The following RAB5A variants were observed in gnomAD, a reference collection of about 807,000 sequenced individuals.
The protein encoded by RAB5A is ras-related protein Rab-5A.
A neutral mutation model predicts 25.7 loss-of-function variants in RAB5A; 8 were observed. The observed-to-expected ratio is 0.31, with a 90% CI of 0.18 to 0.56. RAB5A has a LOEUF of 0.56. RAB5A is among the 20% of genes least tolerant of loss of function. RAB5A has a pLI of 0.91. For missense variants in RAB5A, 192 were observed against 259.7 expected, an observed-to-expected ratio of 0.74 and a Z score of 1.79; for synonymous variants, 98 against 89.8, an observed-to-expected ratio of 1.09 and a Z score of -0.52.
intron 1 of RAB5A, among the ~76,000 whole-genome samples, chr3:19,949,468 T>C (rs146651329): frequency 4.5e-4 from 69 of 152,294 alleles, no homozygotes; most frequent in Middle Eastern, 3.4e-3. Context: ...CCCAAAGTGT[T>C]GGGATTTACC....
intron 2 of RAB5A, among the ~76,000 whole-genome samples, chr3:19,973,466 G>A (rs1197278075): frequency 6.7e-6 from 1 of 150,276 alleles, no homozygotes; most frequent in Non-Finnish European, 1.5e-5. Flanking sequence ...TTCCTTTTTG[G>A]TAAGAGTACT....
intron 2 of RAB5A, 85 bp from the exon 3 acceptor site, chr3:19,975,516 G>C: frequency 7.6e-7 from 1 of 1,312,714 alleles, no homozygotes; most frequent in Non-Finnish European, 1.0e-6. Context: ...GTGACATTTT[G>C]ATAGATGTAT....
chr3:19,983,816 G>C lies in RAB5A; in HGVS notation c.641G>C (p.Ser214Thr). Residue 214 changes from serine to threonine, a missense_variant, in exon 6 of 6, where the codon AGT becomes ACT. By Grantham distance (58) the Ser-to-Thr change is moderately conservative. This residue lies in a region of RAB5A where 121 missense variants were observed against 135.7 expected (regional missense o/e 0.89). Coordinates refer to ENST00000273047, the MANE Select transcript of RAB5A (RefSeq NM_004162.5). ...CAACCAACCAGGAATCAGTGTTGTAGTAACTAAACCTCTAGTTTGAACTAG... is the reference window on the plus strand; with the variant it reads ...CAACCAACCAGGAATCAGTGTTGTACTAACTAAACCTCTAGTTTGAACTAG... ...PTQPTRNQCC[S>T]N is the part of the protein sequence containing the mutation. 6.3e-7 allele frequency: 1 copy of C among 1,593,002 alleles called. No individual in the cohort carries two copies. The highest frequency in any genetic ancestry group is 8.6e-7 in the Non-Finnish European group (1 of 1,162,114).
chr3:19,960,329 G>A (rs529278949), intron 2 of RAB5A, among the ~76,000 whole-genome samples: 2 of 152,168 alleles, frequency 1.3e-5, no homozygotes, highest in Admixed American at 6.5e-5. Flanking sequence ...TTGAGATGGG[G>A]TCTCGCTCTG....
rs181841921 is a variant in RAB5A at position 19,976,417 on chromosome 3, G to A, written c.438+248G>A. 1.4e-4 allele frequency among the ~76,000 whole-genome samples: 21 copies of A among 152,310 alleles called. No homozygotes were observed. The East Asian group carries it at 3.7e-3, about 27-fold the overall frequency. Reference sequence around the variant, plus strand: ...TTAAACAATAAAGGCCGGGTTCAGTGGCTCACGCCTGTAATCCCAGCACTT... The same window carrying A: ...TTAAACAATAAAGGCCGGGTTCAGTAGCTCACGCCTGTAATCCCAGCACTT... On this transcript the variant is annotated intron_variant, in intron 4 of 5. Transcript: ENST00000273047.
intron 2 of RAB5A, among the ~76,000 whole-genome samples, chr3:19,967,756 A>G (rs186276523): frequency 5.6e-4 from 85 of 151,974 alleles, no homozygotes; most frequent in Admixed American, 1.9e-3. Flanking sequence ...GTGCTGAGTA[A>G]TACTTAGCCC....
Position 19,982,895 on chromosome 3 carries a change from T to G in RAB5A, c.533-813T>G, listed in dbSNP as rs1172628317. Among the ~76,000 whole-genome samples, 3 of 152,178 alleles carry G rather than the reference T, an allele frequency of 2.0e-5. No homozygotes were observed. In the East Asian group the frequency reaches 5.8e-4, roughly 29 times the overall value. Reference sequence around the variant, plus strand: ...TAGTTGCACAGTAGAGGACAAGTTTTGTTGGGGTGATGATTGCAAAGGTAT... The same window carrying G: ...TAGTTGCACAGTAGAGGACAAGTTTGGTTGGGGTGATGATTGCAAAGGTAT... On this transcript the variant is annotated intron_variant, in intron 5 of 5. Coordinates refer to ENST00000273047, the MANE Select transcript of RAB5A (RefSeq NM_004162.5).
At position 19,947,269 on chromosome 3, in the gene RAB5A, G is replaced by GCGGCGGCGGCGA; in HGVS notation, c.-335_-334insACGGCGGCGGCG. 1 of 143,244 alleles carries GCGGCGGCGGCGA rather than the reference G, an allele frequency of 7.0e-6. No individual in the cohort carries two copies. The highest frequency in any genetic ancestry group is 1.2e-5 in the Non-Finnish European group (1 of 83,736). The allele number at this position is 143,244 out of a possible 1,614,324, so 8.9% of individuals were successfully genotyped here. A position where few individuals can be genotyped will look rare whatever the true frequency, so the allele number is the denominator to read the frequency against. ...AGAATTAGTCGGAACTCCAGCGCCG[G>GCGGCGGCGGCGA]CGGCGGCGGCGGCGGCGGAGGAGGA... On this transcript the variant is annotated 5_prime_UTR_variant, in exon 1 of 6. Coordinates refer to ENST00000273047, the MANE Select transcript of RAB5A (RefSeq NM_004162.5).
At chr3:19,962,252 G>A (rs1696596588) in intron 2 of RAB5A, among the ~76,000 whole-genome samples, 2 of 152,064 alleles carry the variant, frequency 1.3e-5, no homozygotes, top group Non-Finnish European at 2.9e-5. Context: ...GGTGTAGAAT[G>A]TCTTGTTGCA....
At chr3:19,983,623 G>A (rs1021282687) in intron 5 of RAB5A, 85 bp from the exon 6 acceptor site, 15 of 952,712 alleles carry the variant, frequency 1.6e-5, no homozygotes, top group Middle Eastern at 2.2e-4. Context: ...TAACCTAACT[G>A]GAAAGAAAAA....
At chr3:19,982,777 AAG>A (rs962545249) in intron 5 of RAB5A, among the ~76,000 whole-genome samples, 1 of 151,472 alleles carries the variant, frequency 6.6e-6, no homozygotes, top group Non-Finnish European at 1.5e-5. Flanking sequence ...AAAAAAAAAA[AAG>A]AGAGCATGTA....
chr3:19,949,714 A>G (rs566878131), intron 1 of RAB5A, among the ~76,000 whole-genome samples: 1 of 152,324 alleles, frequency 6.6e-6, no homozygotes, highest in East Asian at 1.9e-4. Context: ...GTCGCCATTC[A>G]GGCTAGATTT....
chr3:19,976,306 A>G (rs1195440364), intron 4 of RAB5A, 137 bp downstream of exon 4: 2 of 943,784 alleles, frequency 2.1e-6, no homozygotes, highest in Admixed American at 3.4e-5. Context: ...AATATAAAGT[A>G]CTACATATAA....
chr3:19,951,128 T>TACCAACCAACTCTTTTGCATTTCAA, intron 2 of RAB5A, 67 bp downstream of exon 2: 1 of 1,542,494 alleles, frequency 6.5e-7, no homozygotes, highest in Non-Finnish European at 8.8e-7. Context: ...ATTTTGATGT[T>TACCAACCAACTCTTTTGCATTTCAA]CCAATTGTGT....
chr3:19,966,292 T>C (rs539634622), intron 2 of RAB5A, among the ~76,000 whole-genome samples: 53 of 152,368 alleles, frequency 3.5e-4, no homozygotes, highest in African/African-American at 1.2e-3. Context: ...ACAGTATTTG[T>C]ACTTTTGTGG....
chr3:19,967,756 ATACT>A (rs759263583), intron 2 of RAB5A, among the ~76,000 whole-genome samples: 42 of 151,856 alleles, frequency 2.8e-4, no homozygotes, highest in Admixed American at 1.4e-3. Context: ...GTGCTGAGTA[ATACT>A]TAGCCCTATT....
chr3:19,951,395 T>G (rs889161985), intron 2 of RAB5A, among the ~76,000 whole-genome samples: 2 of 152,196 alleles, frequency 1.3e-5, no homozygotes, highest in Non-Finnish European at 2.9e-5. Context: ...CAGTACATGT[T>G]TGTGCTCAAT....
At chr3:19,959,794 T>C (rs1473460439) in intron 2 of RAB5A, among the ~76,000 whole-genome samples, 1 of 151,944 alleles carries the variant, frequency 6.6e-6, no homozygotes, top group Admixed American at 6.6e-5. Flanking sequence ...GCCTGGCTAA[T>C]TTTGAAATTT....
chr3:19,963,370 C>CG (rs1559488452), intron 2 of RAB5A, among the ~76,000 whole-genome samples: 1 of 113,154 alleles, frequency 8.8e-6, no homozygotes, highest in East Asian at 3.5e-4. Flanking sequence ...TTTCACCCCC[C>CG]CCCCCCCCGA....
Sources: allele counts gnomAD v4.1 joint callset (sites outside exome capture counted in the v4.1 genomes callset), GRCh38; gene constraint gnomAD v4.1.1; regional missense constraint gnomAD v4.1.1; transcripts MANE v1.5; gene names NCBI Gene and HGNC (gene_info 2026-07-23, HGNC 2026-07-21).